The following LRRK2 variants were observed in gnomAD, a reference collection of about 807,000 sequenced individuals.
LRRK2 encodes leucine rich repeat kinase 2, also known as leucine-rich repeat serine/threonine-protein kinase 2.
A neutral mutation model predicts 302.6 loss-of-function variants in LRRK2; 203 were observed. The observed-to-expected ratio is 0.67, with a 90% confidence interval of 0.60 to 0.75. The LOEUF (loss-of-function observed/expected upper bound fraction) is 0.75, where lower values mean the gene tolerates loss of function less well. Ranked by LOEUF, LRRK2 falls within the 30% of genes least tolerant of loss-of-function variation. The pLI, the probability that LRRK2 is intolerant of heterozygous loss-of-function variation, is 0.00. For synonymous variants in LRRK2, 1,066 were observed against 1,031.9 expected (o/e 1.03, Z -0.63); for missense variants, 2,830 against 2,951.0 (o/e 0.96, Z 0.95).
In LRRK2 at chr12:40,350,029, T is replaced by G. The variant is rs566795041; in HGVS notation, c.6382-1510T>G. 1.2e-3 allele frequency among the ~76,000 whole-genome samples: 187 copies of G among 152,272 alleles called. 1 individual carries two copies. Among genetic ancestry groups the G allele is most frequent in the African/African-American group, 4.0e-3 (167 of 41,552 alleles). On this transcript the variant is annotated intron_variant, in intron 43 of 50. Transcript: ENST00000298910. ...ATTGTATTGACAACAAGCTTGTGAG[T>G]AGCAATTTTTCAGCAACCTTTTGCT...
At chr12:40,346,477 A>C (rs1015869076) in intron 41 of LRRK2, among the ~76,000 whole-genome samples, 2 of 152,176 alleles carry the variant, frequency 1.3e-5, no homozygotes, top group Non-Finnish European at 2.9e-5. Context: ...GTTTATCCTT[A>C]TTATCATTCA....
intron 40 of LRRK2, among the ~76,000 whole-genome samples, chr12:40,337,937 C>A (rs1945922644): frequency 6.6e-6 from 1 of 152,174 alleles, no homozygotes; most frequent in Admixed American, 6.5e-5. Flanking sequence ...CTAGAGAGCT[C>A]ATTTTCCTTA....
At chr12:40,340,874 T>A (rs920792300) in intron 41 of LRRK2, among the ~76,000 whole-genome samples, 17 of 152,214 alleles carry the variant, frequency 1.1e-4, no homozygotes, top group African/African-American at 3.1e-4. Flanking sequence ...CAAGATTTTT[T>A]AAAAAATGAC....
intron 18 of LRRK2, among the ~76,000 whole-genome samples, chr12:40,278,665 G>A (rs1252827734): frequency 6.6e-6 from 1 of 152,068 alleles, no homozygotes; most frequent in Non-Finnish European, 1.5e-5. Context: ...ACCACACATG[G>A]CTATGCAGGC....
rs1211360125 is a variant in LRRK2, at chr12:40,299,188, T to C, written c.3427T>C (p.Ser1143Pro). The C allele has an allele frequency of 1.2e-6, 2 of 1,613,630 alleles. No individual in the cohort carries two copies. Among genetic ancestry groups the C allele is most frequent in the Non-Finnish European group, 1.7e-6 (2 of 1,179,810 alleles). The change falls in exon 25 of 51, where the codon TCC becomes CCC. Residue 1143 changes from serine (S) to proline (P), a missense_variant. This residue lies in a region of LRRK2 where 2,121 missense variants were observed against 2,148.0 expected (regional missense o/e 0.99). Transcript: ENST00000298910. ...ILNLSKNHIS[S>P]LSENFLEACP... Reference sequence around the variant, plus strand: ...AAACCTTAGTAAGAACCACATTTCATCCCTATCAGAGAACTTTCTTGAGGC... The same window carrying C: ...AAACCTTAGTAAGAACCACATTTCACCCCTATCAGAGAACTTTCTTGAGGC...
intron 3 of LRRK2, among the ~76,000 whole-genome samples, chr12:40,234,724 A>C (rs1941372924): frequency 6.6e-6 from 1 of 152,094 alleles, no homozygotes; most frequent in Non-Finnish European, 1.5e-5. Flanking sequence ...AACAGTAGCA[A>C]TCAATAATTT....
At chr12:40,351,476 G>T in intron 43 of LRRK2, 63 bp from the exon 44 acceptor site, 2 of 1,535,972 alleles carry the variant, frequency 1.3e-6, no homozygotes, top group South Asian at 1.1e-5. Flanking sequence ...GTCTATATTT[G>T]ATTTTTCAAG....
chr12:40,257,800 CTTAG>C (rs1038921263), intron 12 of LRRK2, among the ~76,000 whole-genome samples: 26 of 152,070 alleles, frequency 1.7e-4, no homozygotes, highest in Admixed American at 2.6e-4. Context: ...GCTCTCAATC[CTTAG>C]TTAGGGAAAA....
At chr12:40,274,812 A>T in intron 15 of LRRK2, 42 bp from the exon 16 acceptor site, 1 of 1,609,486 alleles carries the variant, frequency 6.2e-7, no homozygotes, top group Non-Finnish European at 8.5e-7. Flanking sequence ...ATTTTTCTTC[A>T]GTTTTGAGAT....
intron 41 of LRRK2, among the ~76,000 whole-genome samples, chr12:40,342,338 A>G (rs1476365217): frequency 2.0e-5 from 3 of 152,190 alleles, no homozygotes; most frequent in Non-Finnish European, 4.4e-5. Context: ...ATACCAAGCC[A>G]CACAATTCTT....
chr12:40,229,205 A>G (rs1414662791), intron 2 of LRRK2, among the ~76,000 whole-genome samples: 6 of 152,134 alleles, frequency 3.9e-5, no homozygotes, highest in Admixed American at 2.6e-4. Context: ...TAATTACTGT[A>G]AGTATCCTTT....
intron 28 of LRRK2, among the ~76,000 whole-genome samples, chr12:40,306,813 T>C (rs761690154): frequency 6.6e-6 from 1 of 152,178 alleles, no homozygotes; most frequent in Non-Finnish European, 1.5e-5. Context: ...TATATTTAAC[T>C]TCATCTGTTT....
chr12:40,243,492 C>A, intron 6 of LRRK2, 58 bp from the exon 7 acceptor site: 10 of 1,584,182 alleles, frequency 6.3e-6, no homozygotes, highest in Non-Finnish European at 8.6e-6. Context: ...TCTTTGTATG[C>A]ATATTTGAAA....
At chr12:40,265,044 TC>T (rs1356186991) in intron 14 of LRRK2, among the ~76,000 whole-genome samples, 11 of 152,198 alleles carry the variant, frequency 7.2e-5, no homozygotes, top group Non-Finnish European at 1.6e-4. Context: ...TAAAGTGGCT[TC>T]CAGAGAGATC....
At position 40,335,157 on chromosome 12, in the gene LRRK2, G is replaced by A; in HGVS notation, c.5948G>A (p.Arg1983Lys). ...GCACTCCACGTAGCTGATGGTTTGAGGTAAGTAGGTCATGTTGTTTTCTAT... is the reference window on the plus strand; with the variant it reads ...GCACTCCACGTAGCTGATGGTTTGAAGTAAGTAGGTCATGTTGTTTTCTAT... Reference protein sequence around the residue: ...RIALHVADGLRYLHSAMIIYR... With the variant: ...RIALHVADGLKYLHSAMIIYR... Residue 1983 changes from arginine (R) to lysine (K), a missense_variant and splice_region_variant, in exon 40 of 51, where the codon AGA becomes AAA. Arg to Lys is a conservative substitution (Grantham distance 26). Coordinates refer to ENST00000298910, the MANE Select transcript of LRRK2 (RefSeq NM_198578.4). The A allele has an allele frequency of 2.5e-6, 4 of 1,613,964 alleles. No homozygotes were observed. The highest frequency in any genetic ancestry group is 1.1e-5 in the South Asian group (1 of 91,060).
chr12:40,333,440 A>G (rs1945774339), intron 39 of LRRK2, among the ~76,000 whole-genome samples: 1 of 152,170 alleles, frequency 6.6e-6, no homozygotes, highest in Non-Finnish European at 1.5e-5. Flanking sequence ...CACACAAGCT[A>G]TACATTTCAA....
At chr12:40,281,360 C>G (rs1370609702) in intron 18 of LRRK2, among the ~76,000 whole-genome samples, 8 of 152,142 alleles carry the variant, frequency 5.3e-5, no homozygotes. Context: ...AATTTCTTGG[C>G]TACACAGCAG....
chr12:40,330,206 G>A (rs1339501890), intron 39 of LRRK2, among the ~76,000 whole-genome samples: 2 of 152,302 alleles, frequency 1.3e-5, no homozygotes, highest in Admixed American at 6.5e-5. Context: ...TTAAGAAAAG[G>A]TGTTTGTGAG....
chr12:40,305,883 CA>C lies in LRRK2; in HGVS notation c.3880del (p.Ile1294TyrfsTer18). Reference sequence around the variant, plus strand: ...TTCCCAATGAAATGGGGAAATTAAGCAAAATATGGGATCTTCCTTTGGATGA... The same window carrying C: ...TTCCCAATGAAATGGGGAAATTAAGCAAATATGGGATCTTCCTTTGGATGA... The part of the protein sequence containing the change: ...SFPNEMGKLS[K>X]IWDLPLDELH... On this transcript the variant is annotated frameshift_variant, in exon 28 of 51. Coordinates refer to ENST00000298910, the MANE Select transcript of LRRK2 (RefSeq NM_198578.4). LOFTEE classifies it high-confidence loss of function. The C allele has an allele frequency of 6.2e-7, 1 of 1,613,290 alleles. No homozygotes were observed. The highest frequency in any genetic ancestry group is 8.5e-7 in the Non-Finnish European group (1 of 1,179,502).
Sources: allele counts gnomAD v4.1 joint callset (sites outside exome capture counted in the v4.1 genomes callset), GRCh38; gene constraint gnomAD v4.1.1; regional missense constraint gnomAD v4.1.1; transcripts MANE v1.5; gene names NCBI Gene and HGNC (gene_info 2026-07-23, HGNC 2026-07-21).